Variants in GNB1 observed in about 807,000 individuals in gnomAD.
GNB1 encodes guanine nucleotide-binding protein G(I)/G(S)/G(T) subunit beta-1.
A neutral mutation model predicts 42.9 loss-of-function variants in GNB1; 2 were observed. The observed-to-expected ratio is 0.05, with a 90% CI of 0.02 to 0.15. The LOEUF (loss-of-function observed/expected upper bound fraction) is 0.15, where lower values mean the gene tolerates loss of function less well. Ranked by LOEUF, GNB1 falls within the 10% of genes least tolerant of loss-of-function variation. The pLI is 1.00. For synonymous variants in GNB1, 183 were observed against 174.7 expected (o/e 1.05, Z -0.38); for missense variants, 193 against 462.2 (o/e 0.42, Z 5.34).
Position 1,785,783 on chromosome 1 carries a change from A to G in GNB1, c.*1280T>C. On this transcript the variant is annotated 3_prime_UTR_variant, in exon 12 of 12. Transcript: ENST00000378609. ...TCCCTCCCCACCCTCAGAATCCAAC[A>G]GCAGTCGTTTGCAACAGAACTTTTT... The G allele has an allele frequency of 2.7e-6, 1 of 367,230 alleles. No homozygotes were observed. The highest frequency in any genetic ancestry group is 4.8e-6 in the Non-Finnish European group (1 of 207,416). The allele number at this position is 367,230 out of a possible 1,614,324, so 22.7% of individuals were successfully genotyped here. A position where few individuals can be genotyped will look rare whatever the true frequency, so the allele number is the denominator to read the frequency against.
chr1:1,852,600 C>T (rs949643501), intron 1 of GNB1, among the ~76,000 whole-genome samples: 3 of 151,296 alleles, frequency 2.0e-5, no homozygotes, highest in Admixed American at 6.6e-5. Context: ...GAGGCTAAGA[C>T]AGGAGGACTG....
At chr1:1,804,930 C>T (rs189311405) in intron 6 of GNB1, among the ~76,000 whole-genome samples, 148 of 152,146 alleles carry the variant, frequency 9.7e-4, no homozygotes, top group African/African-American at 3.3e-3. Context: ...GAGGCTAAGT[C>T]GGGCAGATCA....
intron 5 of GNB1, among the ~76,000 whole-genome samples, chr1:1,814,402 T>C (rs1342794065): frequency 6.6e-6 from 1 of 152,124 alleles, no homozygotes; most frequent in Non-Finnish European, 1.5e-5. Flanking sequence ...ATTATTTAGA[T>C]AGAACAGGCA....
intron 2 of GNB1, among the ~76,000 whole-genome samples, chr1:1,827,034 G>C (rs1330450640): frequency 6.6e-6 from 1 of 152,146 alleles, no homozygotes; most frequent in Non-Finnish European, 1.5e-5. Context: ...TTACACAGAG[G>C]ATCAATTTTA....
chr1:1,857,257 C>A (rs1244426073), intron 1 of GNB1, among the ~76,000 whole-genome samples: 2 of 150,410 alleles, frequency 1.3e-5, no homozygotes, highest in Non-Finnish European at 3.0e-5. Flanking sequence ...AAACTGGAAA[C>A]GAGAAAGTGG....
chr1:1,800,570 G>A (rs981782134), intron 7 of GNB1, among the ~76,000 whole-genome samples: 2 of 152,148 alleles, frequency 1.3e-5, no homozygotes, highest in Non-Finnish European at 2.9e-5. Context: ...AGATGCGTGT[G>A]TATTGCAGCA....
chr1:1,854,184 G>A (rs1465409136), intron 1 of GNB1, among the ~76,000 whole-genome samples: 4 of 152,192 alleles, frequency 2.6e-5, no homozygotes, highest in Admixed American at 1.3e-4. Context: ...ATAAAACTAC[G>A]TAAGAAGGGG....
chr1:1,802,360 G>A (rs1189882516), intron 7 of GNB1, among the ~76,000 whole-genome samples: 4 of 152,018 alleles, frequency 2.6e-5, no homozygotes, highest in Non-Finnish European at 4.4e-5. Flanking sequence ...CATCTAATTA[G>A]AAATCAACAA....
At chr1:1,870,713 T>C (rs907589601) in intron 1 of GNB1, among the ~76,000 whole-genome samples, 1 of 152,118 alleles carries the variant, frequency 6.6e-6, no homozygotes, top group Non-Finnish European at 1.5e-5. Flanking sequence ...GGTGAGTGGA[T>C]TACCTGAGGT....
At chr1:1,819,285 G>A (rs908662048) in intron 3 of GNB1, among the ~76,000 whole-genome samples, 4 of 151,236 alleles carry the variant, frequency 2.6e-5, no homozygotes, top group East Asian at 3.9e-4. Context: ...GCTGTGTCGC[G>A]ATCTCAGCTC....
At chr1:1,798,936 T>TC (rs1299467652) in intron 7 of GNB1, among the ~76,000 whole-genome samples, 1 of 151,872 alleles carries the variant, frequency 6.6e-6, no homozygotes, top group Non-Finnish European at 1.5e-5. Context: ...TTTTTTTTTT[T>TC]TTTGAGACGG....
chr1:1,785,740 CCTCTCCCTCCCTCT>C lies in GNB1; in HGVS notation c.*1309_*1322del, dbSNP rs1570612492. 2.8e-6 allele frequency: 1 copy of C among 357,616 alleles called. No individual in the cohort carries two copies. Among genetic ancestry groups the C allele is most frequent in the Admixed American group, 4.7e-5 (1 of 21,282 alleles). The allele number at this position is 357,616 out of a possible 1,614,324, so 22.2% of individuals were successfully genotyped here. A position where few individuals can be genotyped will look rare whatever the true frequency, so the allele number is the denominator to read the frequency against. On this transcript the variant is annotated 3_prime_UTR_variant, in exon 12 of 12. Coordinates refer to ENST00000378609, the MANE Select transcript of GNB1 (RefSeq NM_002074.5). ...ATATAGGAGGGCAGGCTCTTCACTCCCTCTCCCTCCCTCTCTCTCCCTCCCCACCCTCAGAATCC... is the reference window on the plus strand; with the variant it reads ...ATATAGGAGGGCAGGCTCTTCACTCCCTCTCCCTCCCCACCCTCAGAATCC...
Position 1,843,782 on chromosome 1 carries a change from A to T in GNB1, c.-95-4544T>A, listed in dbSNP as rs561560969. On this transcript the variant is annotated intron_variant, in intron 1 of 11. Coordinates refer to ENST00000378609, the MANE Select transcript of GNB1 (RefSeq NM_002074.5). ...TAAACCAGTAGCACTACCCTTAAAG[A>T]ACATCAGGAGCTGGGCTCGCACCTC... Among the ~76,000 whole-genome samples the T allele has an allele frequency of 4.6e-5, 7 of 152,274 alleles. No homozygotes were observed. The East Asian group carries it at 1.4e-3, about 29-fold the overall frequency.
At chr1:1,889,811 G>A (rs551895060) in intron 1 of GNB1, among the ~76,000 whole-genome samples, 47 of 152,290 alleles carry the variant, frequency 3.1e-4, no homozygotes, top group Admixed American at 3.9e-4. Context: ...AAATATAGCA[G>A]GTTCTTAAAA....
chr1:1,889,875 C>A (rs913710217), intron 1 of GNB1, among the ~76,000 whole-genome samples: 2 of 151,994 alleles, frequency 1.3e-5, no homozygotes, highest in Non-Finnish European at 2.9e-5. Context: ...CTCCCCACTC[C>A]CCACCCCCAC....
chr1:1,842,411 G>T (rs1647279530), intron 1 of GNB1, among the ~76,000 whole-genome samples: 2 of 151,482 alleles, frequency 1.3e-5, no homozygotes, highest in South Asian at 4.2e-4. Flanking sequence ...GCCTGGGCGG[G>T]GTGACAGAGT....
intron 1 of GNB1, among the ~76,000 whole-genome samples, chr1:1,863,241 G>A (rs1024106165): frequency 6.6e-6 from 1 of 152,180 alleles, no homozygotes; most frequent in African/African-American, 2.4e-5. Flanking sequence ...GTGAGGTGGT[G>A]CTGGCTAGAA....
intron 1 of GNB1, among the ~76,000 whole-genome samples, chr1:1,853,609 T>C (rs1195072705): frequency 6.6e-6 from 1 of 152,048 alleles, no homozygotes; most frequent in Middle Eastern, 3.2e-3. Context: ...ACCCACAAAA[T>C]ATAGAAAGTA....
intron 7 of GNB1, among the ~76,000 whole-genome samples, chr1:1,799,598 T>C (rs1422758455): frequency 6.6e-6 from 1 of 152,202 alleles, no homozygotes; most frequent in Non-Finnish European, 1.5e-5. Flanking sequence ...CTCCTATCTG[T>C]AGGCATTACC....
Sources: allele counts gnomAD v4.1 joint callset (sites outside exome capture counted in the v4.1 genomes callset), GRCh38; gene constraint gnomAD v4.1.1; transcripts MANE v1.5; gene names NCBI Gene and HGNC (gene_info 2026-07-23, HGNC 2026-07-21).